The following NADSYN1 variants were observed in gnomAD, a reference collection of about 807,000 sequenced individuals.
NADSYN1 encodes NAD synthetase 1.
In NADSYN1, 80 loss-of-function variants were observed where a neutral mutation model predicts 99.3. That is an observed-to-expected ratio of 0.81 (90% CI 0.67 to 0.97). The LOEUF (loss-of-function observed/expected upper bound fraction) is 0.97, where lower values mean the gene tolerates loss of function less well. Ranked by LOEUF, NADSYN1 falls within the 50% of genes least tolerant of loss-of-function variation. The probability of loss-of-function intolerance (pLI) is 0.00; values close to 1 mark genes in which losing one functional copy is unlikely to be tolerated. For synonymous variants in NADSYN1, 385 were observed against 372.1 expected (o/e 1.03, Z -0.40); for missense variants, 859 against 948.5 (o/e 0.91, Z 1.24).
intron 5 of NADSYN1, among the ~76,000 whole-genome samples, chr11:71,464,977 C>G (rs567793390): frequency 6.6e-6 from 1 of 151,524 alleles, no homozygotes; most frequent in Non-Finnish European, 1.5e-5. Flanking sequence ...AGCAGTGTCA[C>G]AGATATCGAC....
At chr11:71,487,845 A>AAAAAG (rs1949752709) in intron 16 of NADSYN1, among the ~76,000 whole-genome samples, 1 of 151,300 alleles carries the variant, frequency 6.6e-6, no homozygotes, top group Non-Finnish European at 1.5e-5. Context: ...AAAAAAAAAA[A>AAAAAG]AAAAAGAAAA....
At chr11:71,476,485 C>G in intron 9 of NADSYN1, 1 of 225,200 alleles carries the variant, frequency 4.4e-6, no homozygotes, top group Non-Finnish European at 7.8e-6. Context: ...AAAACCAAAC[C>G]AGTTTCATAG....
At chr11:71,472,159 T>A (rs1384957706) in intron 5 of NADSYN1, among the ~76,000 whole-genome samples, 1 of 152,196 alleles carries the variant, frequency 6.6e-6, no homozygotes, top group Non-Finnish European at 1.5e-5. Flanking sequence ...GCAAATCCCC[T>A]GTGACACATC....
At chr11:71,458,950 T>G (rs1324177785) in intron 3 of NADSYN1, 4 of 209,692 alleles carry the variant, frequency 1.9e-5, no homozygotes, top group Admixed American at 5.3e-5. Flanking sequence ...GGAAGGCCTC[T>G]GCATGCTCCA....
rs1288704789 is a variant in NADSYN1 at position 71,473,361 on chromosome 11, C to T, written c.543C>T (p.Pro181=). Residue 181 remains proline, a synonymous_variant, in exon 7 of 21, where the codon CCC becomes CCT. Transcript: ENST00000319023. ...AGATCTGTGAGGAGCTCTGGACACC[C>T]CACAGGTCAGCCCCATGCCCCTGTG... The part of the protein sequence containing the change: ...GSEICEELWT[P]HSPHIDMGLD... 6.8e-6 allele frequency: 11 copies of T among 1,613,922 alleles called. No homozygotes were observed. Among genetic ancestry groups the T allele is most frequent in the Non-Finnish European group, 9.3e-6 (11 of 1,179,926 alleles).
Position 71,481,286 on chromosome 11 carries a change from T to C in NADSYN1, c.999-70T>C, listed in dbSNP as rs113586218. ...GGCACTGCAGCCTCCTGGGGCCTGC[T>C]TGGGTGGGTTGTTGGGTGCTGTGGG... On this transcript the variant is annotated intron_variant, in intron 11 of 20. Transcript: ENST00000319023. 19 of 1,527,462 alleles carry C rather than the reference T, an allele frequency of 1.2e-5. No homozygotes were observed. In the African/African-American group the frequency reaches 1.6e-4, roughly 13 times the overall value. 94.6% of individuals were successfully genotyped at this position (1,527,462 alleles called of 1,614,324 possible). A position where few individuals can be genotyped will look rare whatever the true frequency, so the allele number is the denominator to read the frequency against.
At chr11:71,455,006 TTG>T in intron 1 of NADSYN1, 102 bp from the exon 2 acceptor site, 2 of 779,518 alleles carry the variant, frequency 2.6e-6, no homozygotes, top group South Asian at 3.3e-5. Context: ...TGTTTGTTGT[TTG>T]TTTTTTTTTT....
intron 2 of NADSYN1, 66 bp from the exon 3 acceptor site, chr11:71,458,362 A>G: frequency 7.9e-7 from 1 of 1,269,016 alleles, no homozygotes; most frequent in South Asian, 1.2e-5. Flanking sequence ...GGACTGGCCC[A>G]CAGGCCCTGC....
At chr11:71,469,927 G>GAAAAAAAAAAAAAAAAA (rs749801544) in intron 5 of NADSYN1, among the ~76,000 whole-genome samples, 5 of 109,158 alleles carry the variant, frequency 4.6e-5, no homozygotes, top group East Asian at 2.8e-4. Context: ...GCCTGTCTCA[G>GAAAAAAAAAAAAAAAAA]AAAAAAAAAA....
At chr11:71,464,932 C>T (rs1190431071) in intron 5 of NADSYN1, among the ~76,000 whole-genome samples, 1 of 146,368 alleles carries the variant, frequency 6.8e-6, no homozygotes, top group Non-Finnish European at 1.5e-5. Flanking sequence ...CTAGGAAGTG[C>T]TTAGGTTCCC....
rs752296147 is a variant in NADSYN1 at position 71,491,858 on chromosome 11, A to G, written c.1719A>G (p.Ala573=). 6.2e-6 allele frequency: 10 copies of G among 1,613,922 alleles called. No homozygotes were observed. The Admixed American group carries it at 1.7e-4, about 27-fold the overall frequency. The change falls in exon 18 of 21, where the codon GCA becomes GCG. Residue 573 remains alanine (A), a synonymous_variant. Coordinates refer to ENST00000319023, the MANE Select transcript of NADSYN1 (RefSeq NM_018161.5). ...LQSILLAPAT[A]ELEPLADGQV... ...GCATCCTGTTGGCGCCGGCCACCGC[A>G]GAGCTGGAGCCCTTGGCTGATGGAC...
chr11:71,491,800 T>C (rs1388569890), intron 17 of NADSYN1, 34 bp from the exon 18 acceptor site: 1 of 1,608,950 alleles, frequency 6.2e-7, no homozygotes, highest in South Asian at 1.1e-5. Context: ...CCCTCGCAGC[T>C]GCACTGACCG....
At chr11:71,479,567 C>G (rs1949691081) in intron 10 of NADSYN1, 1 of 152,134 alleles carries the variant, frequency 6.6e-6, no homozygotes. Flanking sequence ...CGTTCCCCTC[C>G]TCCGGTCCTG....
intron 16 of NADSYN1, among the ~76,000 whole-genome samples, chr11:71,490,045 C>T (rs1163712851): frequency 5.3e-5 from 8 of 152,114 alleles, no homozygotes; most frequent in Non-Finnish European, 2.9e-5. Context: ...CATTTATGGT[C>T]CCTCAGTTCT....
chr11:71,474,389 T>C lies in NADSYN1; in HGVS notation c.667-6T>C. On this transcript the variant is annotated splice_region_variant and splice_polypyrimidine_tract_variant and intron_variant, in intron 8 of 20. Coordinates refer to ENST00000319023, the MANE Select transcript of NADSYN1 (RefSeq NM_018161.5). ...ACCACTCCGCTATGGGGTCCTCCTT[T>C]TTCAGAACGGTGGGATTTACTTGCT... is the stretch of plus-strand genomic sequence containing the variant. The C allele has an allele frequency of 3.1e-6, 5 of 1,614,128 alleles. No individual in the cohort carries two copies. Among genetic ancestry groups the C allele is most frequent in the Non-Finnish European group, 4.2e-6 (5 of 1,179,984 alleles).
intron 20 of NADSYN1, among the ~76,000 whole-genome samples, chr11:71,500,188 C>T (rs1017916645): frequency 6.6e-6 from 1 of 152,192 alleles, no homozygotes; most frequent in African/African-American, 2.4e-5. Flanking sequence ...TGCTGTATGA[C>T]CACAGAGTAG....
chr11:71,460,538 A>G (rs1949544251), intron 3 of NADSYN1, among the ~76,000 whole-genome samples: 1 of 152,042 alleles, frequency 6.6e-6, no homozygotes, highest in African/African-American at 2.4e-5. Flanking sequence ...TATTTTTCAT[A>G]GAGACAGGGT....
chr11:71,492,000 AG>A, intron 18 of NADSYN1, 97 bp downstream of exon 18: 3 of 1,168,088 alleles, frequency 2.6e-6, no homozygotes, highest in South Asian at 1.4e-5. Flanking sequence ...ACCCCAGGAC[AG>A]CTGCATCGCT....
Position 71,485,242 on chromosome 11 carries a change from T to C in NADSYN1, c.1456-300T>C, listed in dbSNP as rs529740193. The stretch of plus-strand genomic sequence containing the variant: ...AGGGATGGAAATGCAGTTGCCAAGC[T>C]TTCTCCCAGGGACCCCACGGCTCAG... On this transcript the variant is annotated intron_variant, in intron 15 of 20. Coordinates refer to ENST00000319023, the MANE Select transcript of NADSYN1 (RefSeq NM_018161.5). The C allele has an allele frequency of 2.8e-5, 6 of 216,554 alleles. No individual in the cohort carries two copies. In the South Asian group the frequency reaches 5.6e-4, roughly 20 times the overall value. 13.4% of individuals were successfully genotyped at this position (216,554 alleles called of 1,614,324 possible).
Sources: gnomAD v4.1 joint callset for allele counts (sites outside exome capture counted in the v4.1 genomes callset) on GRCh38, gnomAD v4.1.1 for gene constraint, MANE v1.5 for transcripts, NCBI Gene and HGNC (gene_info 2026-07-23, HGNC 2026-07-21) for gene names.